The following MAGI1 variants were observed in gnomAD, a reference collection of about 807,000 sequenced individuals.
MAGI1 encodes the protein membrane-associated guanylate kinase, WW and PDZ domain-containing protein 1.
In MAGI1, 58 loss-of-function variants were observed where a neutral mutation model predicts 139.9. That is an observed-to-expected ratio of 0.41 (90% confidence interval 0.34 to 0.52). The LOEUF (loss-of-function observed/expected upper bound fraction) is 0.52. MAGI1 is among the 20% of genes least tolerant of loss of function. The pLI is 0.12. For missense variants in MAGI1, 1,874 were observed against 1,901.6 expected (o/e 0.99, Z 0.27); for synonymous variants, 812 against 737.9 (o/e 1.10, Z -1.63).
At chr3:65,614,290 C>T (rs546849333) in intron 2 of MAGI1, among the ~76,000 whole-genome samples, 6 of 152,218 alleles carry the variant, frequency 3.9e-5, no homozygotes, top group South Asian at 2.1e-4. Flanking sequence ...CCATTACATA[C>T]GCCATTGTGC....
intron 1 of MAGI1, among the ~76,000 whole-genome samples, chr3:65,969,646 C>A (rs779805379): frequency 6.6e-6 from 1 of 152,130 alleles, no homozygotes; most frequent in Non-Finnish European, 1.5e-5. Context: ...GGAGTTGTTG[C>A]TCTTTACCAC....
intron 1 of MAGI1, among the ~76,000 whole-genome samples, chr3:65,654,079 C>T (rs1451117058): frequency 1.3e-5 from 2 of 152,080 alleles, no homozygotes; most frequent in East Asian, 3.9e-4. Flanking sequence ...GTTCCACTAT[C>T]AATAATGGAA....
intron 1 of MAGI1, among the ~76,000 whole-genome samples, chr3:65,835,379 G>A (rs2042749603): frequency 6.6e-6 from 1 of 152,194 alleles, no homozygotes; most frequent in Admixed American, 6.5e-5. Flanking sequence ...TGTCTGGCAG[G>A]AAGAGAAAAT....
chr3:65,365,663 C>T (rs1299261123), intron 18 of MAGI1, among the ~76,000 whole-genome samples: 5 of 152,156 alleles, frequency 3.3e-5, no homozygotes, highest in Non-Finnish European at 7.3e-5. Flanking sequence ...ACTCGTCATA[C>T]ATTTTCTAAC....
chr3:65,983,928 C>T (rs1002860399), intron 1 of MAGI1, among the ~76,000 whole-genome samples: 1 of 152,160 alleles, frequency 6.6e-6, no homozygotes, highest in Admixed American at 6.5e-5. Context: ...TACTTGAAGT[C>T]GTACCTAGCA....
intron 2 of MAGI1, among the ~76,000 whole-genome samples, chr3:65,494,844 G>A (rs1308968959): frequency 6.6e-6 from 1 of 152,172 alleles, no homozygotes; most frequent in Non-Finnish European, 1.5e-5. Flanking sequence ...TCAACACTTA[G>A]TACACACTTT....
chr3:65,794,276 C>T (rs2039977023), intron 1 of MAGI1, among the ~76,000 whole-genome samples: 1 of 152,152 alleles, frequency 6.6e-6, no homozygotes, highest in African/African-American at 2.4e-5. Context: ...CATTTGCAAG[C>T]CACAGACTCA....
At chr3:65,389,130 G>A (rs745703557) in intron 14 of MAGI1, among the ~76,000 whole-genome samples, 7 of 152,000 alleles carry the variant, frequency 4.6e-5, no homozygotes, top group Non-Finnish European at 1.0e-4. Flanking sequence ...TGACTGAGCC[G>A]TGGCGCCTGG....
At chr3:65,734,789 G>A (rs2034567402) in intron 1 of MAGI1, among the ~76,000 whole-genome samples, 1 of 151,478 alleles carries the variant, frequency 6.6e-6, no homozygotes, top group African/African-American at 2.4e-5. Flanking sequence ...TAAATTTCCA[G>A]GGAAGCTAAA....
In MAGI1 at chr3:65,359,123, T is replaced by C. The variant is rs1206715209; in HGVS notation, c.3635-1991A>G. ...GCCTCCCCGAGCTTTTCATTTCTCA[T>C]ACATGCAGCGATATTAGGAGGTATC... On this transcript the variant is annotated intron_variant, in intron 22 of 22. Transcript: ENST00000402939. 9 of 1,613,836 alleles carry C rather than the reference T, an allele frequency of 5.6e-6. No individual in the cohort carries two copies. The East Asian group carries it at 1.1e-4, about 20-fold the overall frequency.
chr3:65,700,176 A>T (rs1352139176), intron 1 of MAGI1, among the ~76,000 whole-genome samples: 1 of 152,112 alleles, frequency 6.6e-6, no homozygotes, highest in Non-Finnish European at 1.5e-5. Context: ...GGGCGCGGTG[A>T]CTCACGTCTG....
intron 1 of MAGI1, among the ~76,000 whole-genome samples, chr3:65,807,053 A>G (rs540534231): frequency 6.6e-6 from 1 of 152,208 alleles, no homozygotes; most frequent in Non-Finnish European, 1.5e-5. Flanking sequence ...CTTCTGTAAG[A>G]CCACCCTATG....
Position 65,478,708 on chromosome 3 carries a change from G to A in MAGI1, c.641C>T (p.Ser214Phe). The A allele has an allele frequency of 2.5e-6, 4 of 1,614,060 alleles. No individual in the cohort carries two copies. Among genetic ancestry groups the A allele is most frequent in the South Asian group, 1.1e-5 (1 of 91,086 alleles). ...TDALHSLQSG[S>F]KQSTPKRTKS... ...GGTTCGCTTCGGGGTCGACTGCTTA[G>A]AGCCAGACTGAAGGCTGTGCAAGGC... Residue 214 changes from serine (S) to phenylalanine (F), a missense_variant, in exon 4 of 23, where the codon TCT (serine) becomes TTT (phenylalanine). This residue lies in a region of MAGI1 where 648 missense variants were observed against 598.1 expected (regional missense o/e 1.08). Transcript: ENST00000402939.
In MAGI1 at chr3:65,634,256, C is replaced by T. The variant is rs533830653; in HGVS notation, c.314-12168G>A. 1.2e-4 allele frequency among the ~76,000 whole-genome samples: 18 copies of T among 152,222 alleles called. No homozygotes were observed. The South Asian group carries it at 3.7e-3, about 32-fold the overall frequency. ...CAATCAGAATGATAATAAAGACAAA[C>T]CAGGAAGCACCAGTATAGAAAATAA... On this transcript the variant is annotated intron_variant, in intron 1 of 22. Coordinates refer to ENST00000402939, the MANE Select transcript of MAGI1 (RefSeq NM_001033057.2).
intron 1 of MAGI1, among the ~76,000 whole-genome samples, chr3:65,849,955 G>C (rs1050179906): frequency 1.3e-5 from 2 of 152,094 alleles, no homozygotes; most frequent in Non-Finnish European, 2.9e-5. Flanking sequence ...AGATAAATTA[G>C]TCACTTTACT....
At chr3:65,714,039 A>G (rs1002480516) in intron 1 of MAGI1, among the ~76,000 whole-genome samples, 1 of 152,212 alleles carries the variant, frequency 6.6e-6, no homozygotes, top group Non-Finnish European at 1.5e-5. Flanking sequence ...AGAGCAGGCA[A>G]TGTTGCTTGA....
chr3:65,590,376 C>T (rs918652670), intron 2 of MAGI1, among the ~76,000 whole-genome samples: 3 of 152,108 alleles, frequency 2.0e-5, no homozygotes, highest in African/African-American at 2.4e-5. Context: ...TTTGATTAAT[C>T]GGTAAAAAAA....
At position 65,749,139 on chromosome 3, in the gene MAGI1, T is replaced by C. The variant is rs182411046; in HGVS notation, c.314-127051A>G. ...GGAGAGTTGATGGGCTTCCAAGACT[T>C]CATCATGTTAAGATGCAAGGCACTC... On this transcript the variant is annotated intron_variant, in intron 1 of 22. Coordinates refer to ENST00000402939, the MANE Select transcript of MAGI1 (RefSeq NM_001033057.2). Among the ~76,000 whole-genome samples, 96 of 152,228 alleles carry C rather than the reference T, an allele frequency of 6.3e-4. 1 individual carries two copies. Among genetic ancestry groups the C allele is most frequent in the Non-Finnish European group, 7.8e-4 (53 of 68,016 alleles).
intron 2 of MAGI1, among the ~76,000 whole-genome samples, chr3:65,598,952 G>T (rs2082356272): frequency 6.6e-6 from 1 of 152,200 alleles, no homozygotes; most frequent in Non-Finnish European, 1.5e-5. Context: ...ACACCTTGTA[G>T]CAAGAGAGTG....
Sources: gnomAD v4.1 joint callset for allele counts (sites outside exome capture counted in the v4.1 genomes callset) on GRCh38, gnomAD v4.1.1 for gene constraint, gnomAD v4.1.1 regional missense constraint, MANE v1.5 for transcripts, NCBI Gene and HGNC (gene_info 2026-07-23, HGNC 2026-07-21) for gene names.